PCDHAC1: variants seen among roughly 807,000 people sequenced by gnomAD.
PCDHAC1 encodes the protein protocadherin alpha subfamily C, 1, also known as protocadherin alpha-C1.
In PCDHAC1, 42 loss-of-function variants were observed where a neutral mutation model predicts 60.0. The observed-to-expected ratio is 0.70, with a 90% CI of 0.55 to 0.90. The LOEUF (loss-of-function observed/expected upper bound fraction) is 0.90, where lower values mean the gene tolerates loss of function less well. PCDHAC1 is among the 40% of genes least tolerant of loss of function. PCDHAC1 has a pLI of 0.00. For synonymous variants in PCDHAC1, 468 were observed against 499.3 expected (o/e 0.94, Z 0.84); for missense variants, 1,160 against 1,222.3 (o/e 0.95, Z 0.76).
At position 140,926,789 on chromosome 5, in the gene PCDHAC1, G is replaced by C; in HGVS notation, c.-104G>C. On this transcript the variant is annotated 5_prime_UTR_variant, in exon 1 of 4. Transcript: ENST00000253807. ...AGCCCGCAGCAGTGACGGCCGGCAG[G>C]AGCGTGCTCTTCCCCGCGGCTCGTG... The C allele has an allele frequency of 7.0e-7, 1 of 1,432,318 alleles. No homozygotes were observed. Among genetic ancestry groups the C allele is most frequent in the Non-Finnish European group, 9.1e-7 (1 of 1,095,334 alleles). The allele number at this position is 1,432,318 out of a possible 1,614,324, so 88.7% of individuals were successfully genotyped here.
At chr5:140,966,502 G>C in intron 1 of PCDHAC1, 1 of 433,894 alleles carries the variant, frequency 2.3e-6, no homozygotes, top group Non-Finnish European at 4.0e-6. Flanking sequence ...GAGCTGTAGC[G>C]GCAGCAGCAG....
At position 140,964,709 on chromosome 5, in the gene PCDHAC1, A is replaced by G. The variant is rs115609419; in HGVS notation, c.2434-14240A>G. On this transcript the variant is annotated intron_variant, in intron 1 of 3. Coordinates refer to ENST00000253807, the MANE Select transcript of PCDHAC1 (RefSeq NM_018898.5). ...CACTTGAGAGATTAAGGCCTCCGAG[A>G]TCAAATTACCACAGCAAACTGAGAC... is the stretch of plus-strand genomic sequence containing the variant. Among the ~76,000 whole-genome samples the G allele has an allele frequency of 4.5e-3, 689 of 152,134 alleles. 3 individuals are homozygous for G. Among genetic ancestry groups the G allele is most frequent in the African/African-American group, 0.016 (667 of 41,492 alleles).
At chr5:140,929,349 A>G in intron 1 of PCDHAC1, 24 bp downstream of exon 1, 1 of 1,530,382 alleles carries the variant, frequency 6.5e-7, no homozygotes, top group Non-Finnish European at 8.8e-7. Context: ...ATGGAATTTG[A>G]TTCCTTTGGC....
intron 1 of PCDHAC1, among the ~76,000 whole-genome samples, chr5:140,977,142 T>C (rs781987643): frequency 6.6e-6 from 1 of 152,236 alleles, no homozygotes; most frequent in Non-Finnish European, 1.5e-5. Context: ...TCAGTCCTGC[T>C]GGAACTGTGC....
intron 1 of PCDHAC1, among the ~76,000 whole-genome samples, chr5:140,958,001 T>C (rs1257234939): frequency 6.6e-6 from 1 of 152,144 alleles, no homozygotes; most frequent in Non-Finnish European, 1.5e-5. Flanking sequence ...ATTTTTTGTT[T>C]CAATTCTATC....
chr5:140,955,022 A>G (rs1468442096), intron 1 of PCDHAC1, among the ~76,000 whole-genome samples: 2 of 152,182 alleles, frequency 1.3e-5, no homozygotes, highest in Non-Finnish European at 2.9e-5. Flanking sequence ...ACCATTTATT[A>G]AATAGGGAAT....
intron 3 of PCDHAC1, among the ~76,000 whole-genome samples, chr5:140,995,158 A>G (rs1554254485): frequency 6.6e-6 from 1 of 152,180 alleles, no homozygotes; most frequent in African/African-American, 2.4e-5. Flanking sequence ...TATATACATT[A>G]TGTTCTTTCA....
chr5:141,004,014 A>T (rs1294633411), intron 3 of PCDHAC1, among the ~76,000 whole-genome samples: 40 of 152,222 alleles, frequency 2.6e-4, no homozygotes, highest in African/African-American at 9.4e-4. Context: ...GGCAGCACTG[A>T]AAGAAGAAAC....
chr5:140,943,529 A>C (rs1291911076), intron 1 of PCDHAC1, among the ~76,000 whole-genome samples: 1 of 152,220 alleles, frequency 6.6e-6, no homozygotes, highest in Non-Finnish European at 1.5e-5. Flanking sequence ...TCAGTATGCA[A>C]AATGTCATGT....
chr5:140,985,063 G>C (rs2097134230), intron 3 of PCDHAC1, among the ~76,000 whole-genome samples: 1 of 151,948 alleles, frequency 6.6e-6, no homozygotes, highest in African/African-American at 2.4e-5. Flanking sequence ...TCAGCCTCCT[G>C]AGTAGCTGAG....
At chr5:140,959,343 C>T (rs1370310453) in intron 1 of PCDHAC1, among the ~76,000 whole-genome samples, 1 of 152,052 alleles carries the variant, frequency 6.6e-6, no homozygotes, top group Admixed American at 6.6e-5. Context: ...CTACTGCACT[C>T]CAGCGGGACA....
Position 141,011,124 on chromosome 5 carries a change from G to A in PCDHAC1, c.*1187G>A, listed in dbSNP as rs893951024. ...TCTCTCTTTTCTAAGAAACAATTAT[G>A]TGCACTTTGATACACAACCTTCTCT... On this transcript the variant is annotated 3_prime_UTR_variant, in exon 4 of 4. Transcript: ENST00000253807. 1 of 153,618 alleles carries A rather than the reference G, an allele frequency of 6.5e-6. No individual in the cohort carries two copies. The highest frequency in any genetic ancestry group is 2.4e-5 in the African/African-American group (1 of 41,382). 9.5% of individuals were successfully genotyped at this position (153,618 alleles called of 1,614,324 possible).
At chr5:140,977,730 T>C (rs1478978176) in intron 1 of PCDHAC1, among the ~76,000 whole-genome samples, 1 of 152,226 alleles carries the variant, frequency 6.6e-6, no homozygotes, top group Non-Finnish European at 1.5e-5. Flanking sequence ...ATTTCTCTCC[T>C]GGGTGTTATG....
chr5:140,967,691 A>G (rs1586235214), intron 1 of PCDHAC1: 1 of 1,614,162 alleles, frequency 6.2e-7, no homozygotes, highest in East Asian at 2.2e-5. Flanking sequence ...GCAGCTCTTC[A>G]GCATAGATGC....
At chr5:141,005,548 A>G (rs970223535) in intron 3 of PCDHAC1, among the ~76,000 whole-genome samples, 2 of 151,322 alleles carry the variant, frequency 1.3e-5, no homozygotes, top group African/African-American at 4.9e-5. Flanking sequence ...CTAAAAATAC[A>G]AAAATTAGCC....
intron 1 of PCDHAC1, among the ~76,000 whole-genome samples, chr5:140,949,282 T>C (rs1308331025): frequency 6.6e-6 from 1 of 151,850 alleles, no homozygotes; most frequent in African/African-American, 2.4e-5. Flanking sequence ...GAAAAGAATG[T>C]ATATTCTGTA....
At chr5:140,982,688 A>ATACATACATGATTTCCT in intron 3 of PCDHAC1, 125 bp downstream of exon 3, 1 of 1,415,764 alleles carries the variant, frequency 7.1e-7, no homozygotes, top group Non-Finnish European at 9.3e-7. Flanking sequence ...CCTTTTTTCC[A>ATACATACATGATTTCCT]TACATACATG....
At chr5:140,965,827 A>G (rs2095939185) in intron 1 of PCDHAC1, among the ~76,000 whole-genome samples, 1 of 152,172 alleles carries the variant, frequency 6.6e-6, no homozygotes, top group Non-Finnish European at 1.5e-5. Context: ...TAAACATTTA[A>G]ATATTGGTTA....
intron 1 of PCDHAC1, among the ~76,000 whole-genome samples, chr5:140,959,768 A>G (rs1554224322): frequency 6.6e-6 from 1 of 152,240 alleles, no homozygotes; most frequent in African/African-American, 2.4e-5. Flanking sequence ...ATATTCAGTA[A>G]GAACAGTGTA....
Sources: gnomAD v4.1 joint callset for allele counts (sites outside exome capture counted in the v4.1 genomes callset) on GRCh38, gnomAD v4.1.1 for gene constraint, MANE v1.5 for transcripts, NCBI Gene and HGNC (gene_info 2026-07-23, HGNC 2026-07-21) for gene names.